Variants in CTNND2 observed in about 807,000 individuals in gnomAD.
The protein encoded by CTNND2 is catenin delta-2.
In CTNND2, 22 loss-of-function variants were observed where a neutral mutation model predicts 144.4. That is an observed-to-expected ratio of 0.15 (90% CI 0.11 to 0.22). The LOEUF is 0.22. Among genes scored for constraint, CTNND2 ranks in the 10% least tolerant of loss-of-function variants. CTNND2 has a pLI of 1.00. For synonymous variants in CTNND2, 751 were observed against 695.6 expected, an observed-to-expected ratio of 1.08 and a Z score of -1.25; for missense variants, 1,353 against 1,618.8, an observed-to-expected ratio of 0.84 and a Z score of 2.82.
At chr5:11,265,141 G>C (rs185050242) in intron 9 of CTNND2, among the ~76,000 whole-genome samples, 1 of 151,942 alleles carries the variant, frequency 6.6e-6, no homozygotes, top group Non-Finnish European at 1.5e-5. Context: ...AGGCTAAATT[G>C]TATTAAATCA....
chr5:11,712,489 T>C (rs1786087074), intron 2 of CTNND2, among the ~76,000 whole-genome samples: 1 of 152,142 alleles, frequency 6.6e-6, no homozygotes, highest in East Asian at 1.9e-4. Context: ...TGCTGAAATG[T>C]TTGTACTGTT....
At chr5:11,590,741 A>G (rs575410485) in intron 2 of CTNND2, among the ~76,000 whole-genome samples, 7 of 151,854 alleles carry the variant, frequency 4.6e-5, no homozygotes, top group Non-Finnish European at 1.0e-4. Context: ...TTGAGAATGT[A>G]CTTTGTAACA....
chr5:11,169,576 G>A (rs1352975462), intron 11 of CTNND2, among the ~76,000 whole-genome samples: 1 of 152,202 alleles, frequency 6.6e-6, no homozygotes, highest in Non-Finnish European at 1.5e-5. Flanking sequence ...CACACATCTT[G>A]GCAAGGCCCC....
chr5:11,352,976 T>C (rs1404507344), intron 8 of CTNND2, among the ~76,000 whole-genome samples: 3 of 152,136 alleles, frequency 2.0e-5, no homozygotes, highest in Admixed American at 6.6e-5. Flanking sequence ...TAAATGTACA[T>C]TTAGCACTGT....
At position 11,136,494 on chromosome 5, in the gene CTNND2, T is replaced by A. The variant is rs200244694; in HGVS notation, c.2160-18927A>T. ...GGGGAAAAAGAACAATGGTGCTAAC[T>A]GGGGCCTATTTTGAGGGTTTTCTTA... On this transcript the variant is annotated intron_variant, in intron 12 of 21. Transcript: ENST00000304623. 9.9e-5 allele frequency among the ~76,000 whole-genome samples: 15 copies of A among 151,616 alleles called. No individual in the cohort carries two copies. The East Asian group carries it at 2.9e-3, about 29-fold the overall frequency.
At chr5:11,069,538 G>C (rs965852291) in intron 16 of CTNND2, among the ~76,000 whole-genome samples, 1 of 152,120 alleles carries the variant, frequency 6.6e-6, no homozygotes, top group Non-Finnish European at 1.5e-5. Flanking sequence ...TACATATTGA[G>C]GATGGATAGA....
chr5:11,594,758 G>C (rs952921319), intron 2 of CTNND2, among the ~76,000 whole-genome samples: 2 of 152,148 alleles, frequency 1.3e-5, no homozygotes, highest in African/African-American at 4.8e-5. Flanking sequence ...TACTTATATG[G>C]ACAGAGGGGT....
chr5:11,177,650 T>C (rs919318663), intron 11 of CTNND2, among the ~76,000 whole-genome samples: 2 of 152,130 alleles, frequency 1.3e-5, no homozygotes. Flanking sequence ...TTTTTGGTCT[T>C]GTTCACAGAT....
At chr5:11,817,643 A>C (rs975017572) in intron 1 of CTNND2, among the ~76,000 whole-genome samples, 9 of 151,976 alleles carry the variant, frequency 5.9e-5, no homozygotes, top group Non-Finnish European at 1.0e-4. Flanking sequence ...TAAGACATAA[A>C]AGCCGTGTGG....
intron 2 of CTNND2, among the ~76,000 whole-genome samples, chr5:11,692,302 G>C (rs1346571338): frequency 6.6e-6 from 1 of 152,082 alleles, no homozygotes; most frequent in Non-Finnish European, 1.5e-5. Context: ...AAAAGTAAAA[G>C]AATATGATTC....
intron 2 of CTNND2, among the ~76,000 whole-genome samples, chr5:11,693,581 A>C (rs966716868): frequency 6.6e-6 from 1 of 152,256 alleles, no homozygotes; most frequent in African/African-American, 2.4e-5. Flanking sequence ...TTAGGAATTA[A>C]CAAATCTTCA....
Position 11,896,494 on chromosome 5 carries a change from TCTGTGTAATCTA to T in CTNND2, c.37+7311_37+7322del, listed in dbSNP as rs575052621. On this transcript the variant is annotated intron_variant, in intron 1 of 21. Coordinates refer to ENST00000304623, the MANE Select transcript of CTNND2 (RefSeq NM_001332.4). ...AAAATGTAAGTATGGCTGATCAAAA[TCTGTGTAATCTA>T]CATTCCATGATGAATGACCTTTGTT... 2.6e-5 allele frequency among the ~76,000 whole-genome samples: 4 copies of T among 152,288 alleles called. No individual in the cohort carries two copies. The East Asian group carries it at 7.7e-4, about 29-fold the overall frequency.
intron 9 of CTNND2, among the ~76,000 whole-genome samples, chr5:11,325,175 T>C (rs981462123): frequency 3.4e-4 from 51 of 152,120 alleles, no homozygotes; most frequent in Admixed American, 5.9e-4. Context: ...CCCAGTAAAA[T>C]TGAGATTATG....
chr5:11,743,339 A>G (rs1270996419), intron 1 of CTNND2, among the ~76,000 whole-genome samples: 1 of 152,164 alleles, frequency 6.6e-6, no homozygotes, highest in Non-Finnish European at 1.5e-5. Flanking sequence ...TTTCAACTCA[A>G]GATAGCTGCT....
At position 11,743,479 on chromosome 5, in the gene CTNND2, C is replaced by T. The variant is rs190874232; in HGVS notation, c.38-11207G>A. Among the ~76,000 whole-genome samples the T allele has an allele frequency of 5.9e-5, 9 of 152,300 alleles. No individual in the cohort carries two copies. In the East Asian group the frequency reaches 1.7e-3, roughly 29 times the overall value. On this transcript the variant is annotated intron_variant, in intron 1 of 21. Transcript: ENST00000304623. ...AAGGTAGAATCGTCGATCAAGTAGG[C>T]TTCCAGAACCTGATACTTGCAACCA...
chr5:11,016,864 A>G (rs567915826), intron 18 of CTNND2, among the ~76,000 whole-genome samples: 1 of 151,890 alleles, frequency 6.6e-6, no homozygotes, highest in South Asian at 2.1e-4. Context: ...TCTGCCTCCC[A>G]GGTTCAAGTG....
At chr5:11,807,276 A>G (rs1792055781) in intron 1 of CTNND2, among the ~76,000 whole-genome samples, 1 of 152,148 alleles carries the variant, frequency 6.6e-6, no homozygotes, top group Non-Finnish European at 1.5e-5. Context: ...TATTAGACTT[A>G]TATAAAGAAT....
chr5:11,871,486 G>T (rs888414492), intron 1 of CTNND2, among the ~76,000 whole-genome samples: 1 of 152,154 alleles, frequency 6.6e-6, no homozygotes, highest in Non-Finnish European at 1.5e-5. Flanking sequence ...ATAAAATAAA[G>T]ACTGTAAAGA....
intron 9 of CTNND2, among the ~76,000 whole-genome samples, chr5:11,334,872 C>T (rs866091693): frequency 2.6e-5 from 4 of 152,270 alleles, no homozygotes; most frequent in Middle Eastern, 6.8e-3. Context: ...ATTCAAAGAA[C>T]AAAGCATATA....
Sources: allele counts gnomAD v4.1 joint callset (sites outside exome capture counted in the v4.1 genomes callset), GRCh38; gene constraint gnomAD v4.1.1; transcripts MANE v1.5; gene names NCBI Gene and HGNC (gene_info 2026-07-23, HGNC 2026-07-21).